GRHL2: variants seen among roughly 807,000 people sequenced by gnomAD.
GRHL2 encodes the protein grainyhead-like protein 2 homolog.
In GRHL2, 21 loss-of-function variants were observed where a neutral mutation model predicts 83.8. The observed-to-expected ratio is 0.25, with a 90% CI of 0.18 to 0.36. GRHL2 has a LOEUF of 0.36. GRHL2 is among the 10% of genes least tolerant of loss of function. GRHL2 has a pLI of 1.00. For synonymous variants in GRHL2, 280 were observed against 278.9 expected, an observed-to-expected ratio of 1.00 and a Z score of -0.04; for missense variants, 623 against 781.8, an observed-to-expected ratio of 0.80 and a Z score of 2.42.
At chr8:101,675,009 C>A in the GRHL2 span, among the ~76,000 whole-genome samples, 1 of 150,108 alleles carries the variant, frequency 6.7e-6, no homozygotes, top group African/African-American at 2.4e-5. Flanking sequence ...AATTCAACAA[C>A]CCTTCATGCT....
chr8:101,575,515 C>G (rs1011481214), intron 6 of GRHL2, among the ~76,000 whole-genome samples: 1 of 152,140 alleles, frequency 6.6e-6, no homozygotes, highest in African/African-American at 2.4e-5. Flanking sequence ...CTTTCTTACT[C>G]CCCGGCTCTG....
chr8:101,599,180 C>T, intron 8 of GRHL2, 29 bp downstream of exon 8: 10 of 1,373,886 alleles, frequency 7.3e-6, no homozygotes, highest in Non-Finnish European at 1.0e-5. Context: ...TTGTTTATAC[C>T]TCTTAATATG....
rs1812930358 is a variant in GRHL2, at chr8:101,619,888, T to TC, written c.1257+191_1257+192insC. 2.0e-5 allele frequency among the ~76,000 whole-genome samples: 3 copies of TC among 151,796 alleles called. No individual in the cohort carries two copies. The South Asian group carries it at 6.3e-4, about 32-fold the overall frequency. ...TAGGAAGTCTTCAGTCAACTATTTTTTTTTTTTTTTTTTAGTTTATCATTT... is the reference window on the plus strand; with the variant it reads ...TAGGAAGTCTTCAGTCAACTATTTTTCTTTTTTTTTTTTTAGTTTATCATTT... On this transcript the variant is annotated intron_variant, in intron 9 of 15. Coordinates refer to ENST00000646743, the MANE Select transcript of GRHL2 (RefSeq NM_024915.4).
chr8:101,637,755 G>A (rs182563914), intron 12 of GRHL2, among the ~76,000 whole-genome samples: 11 of 152,236 alleles, frequency 7.2e-5, no homozygotes, highest in African/African-American at 1.7e-4. Flanking sequence ...ATTCCAGCTC[G>A]TAGGGAGTTC....
intron 7 of GRHL2, 45 bp downstream of exon 7, chr8:101,577,564 ATGT>A (rs765354493): frequency 3.8e-6 from 5 of 1,300,694 alleles, no homozygotes; most frequent in South Asian, 2.4e-5. Flanking sequence ...ATAAACTGAC[ATGT>A]TGTCTCAATG....
rs57173859 is a variant in GRHL2 at position 101,546,412 on chromosome 8, A to AT, written c.216+2992dup. Among the ~76,000 whole-genome samples the AT allele has an allele frequency of 3.2e-3, 450 of 141,604 alleles. 3 individuals are homozygous for AT. The highest frequency in any genetic ancestry group is 7.7e-3 in the African/African-American group (302 of 39,152). The allele number at this position is 141,604 out of a possible 152,430, so 92.9% of individuals were successfully genotyped here. On this transcript the variant is annotated intron_variant, in intron 2 of 15. Coordinates refer to ENST00000646743, the MANE Select transcript of GRHL2 (RefSeq NM_024915.4). ...TATCCTGAAACAAACATAATTAGTAATTTTTTTTTTTTTTTTAGACAGAGT... is the reference window on the plus strand; with the variant it reads ...TATCCTGAAACAAACATAATTAGTAATTTTTTTTTTTTTTTTTAGACAGAGT...
intron 1 of GRHL2, among the ~76,000 whole-genome samples, chr8:101,498,342 A>G (rs1366788729): frequency 6.6e-6 from 1 of 151,666 alleles, no homozygotes; most frequent in Non-Finnish European, 1.5e-5. Flanking sequence ...CTGGTCTCAA[A>G]CTCCTGACCT....
chr8:101,564,999 A>G lies in GRHL2; in HGVS notation c.679-5340A>G, dbSNP rs969713268. Among the ~76,000 whole-genome samples the G allele has an allele frequency of 6.6e-5, 10 of 152,262 alleles. No individual in the cohort carries two copies. In the East Asian group the frequency reaches 1.9e-3, roughly 29 times the overall value. On this transcript the variant is annotated intron_variant, in intron 4 of 15. Transcript: ENST00000646743. ...GGTTTCTGCCTTCTAGAAGCTTACA[A>G]TCTGTCTGTATGTGTGAAGGGAAAT...
chr8:101,562,253 G>A (rs545989059), intron 4 of GRHL2: 49 of 598,868 alleles, frequency 8.2e-5, no homozygotes, highest in African/African-American at 6.4e-4. Context: ...ACTGGTATTC[G>A]ATAGGTTCAT....
chr8:101,512,354 C>T (rs774332905), intron 1 of GRHL2, among the ~76,000 whole-genome samples: 11 of 152,190 alleles, frequency 7.2e-5, no homozygotes, highest in Non-Finnish European at 1.2e-4. Flanking sequence ...TCCTCAGTAT[C>T]ATTAAACATT....
intron 4 of GRHL2, among the ~76,000 whole-genome samples, chr8:101,561,194 A>G (rs1270445560): frequency 1.3e-5 from 2 of 151,890 alleles, no homozygotes; most frequent in South Asian, 2.1e-4. Flanking sequence ...TTATGTGCAA[A>G]TAATGAACAG....
downstream of GRHL2, among the ~76,000 whole-genome samples, chr8:101,671,912 G>A (rs537077418): frequency 1.9e-4 from 29 of 152,282 alleles, no homozygotes; most frequent in South Asian, 4.1e-4. Context: ...CCGCTGTTCT[G>A]CAGCCACCGC....
chr8:101,676,727 T>G, the GRHL2 span, among the ~76,000 whole-genome samples: 1 of 152,136 alleles, frequency 6.6e-6, no homozygotes, highest in Non-Finnish European at 1.5e-5. Flanking sequence ...ACCCAAAGGA[T>G]TATAAATCAT....
chr8:101,612,272 G>A (rs1045425437), intron 8 of GRHL2, among the ~76,000 whole-genome samples: 2 of 151,040 alleles, frequency 1.3e-5, no homozygotes, highest in African/African-American at 2.5e-5. Context: ...TTATAGGCGT[G>A]AGCCACCATG....
chr8:101,650,328 G>A lies in GRHL2; in HGVS notation c.1698+829G>A, dbSNP rs1282254237. 3.9e-5 allele frequency among the ~76,000 whole-genome samples: 6 copies of A among 152,146 alleles called. No individual in the cohort carries two copies. In the East Asian group the frequency reaches 1.2e-3, roughly 29 times the overall value. The stretch of plus-strand genomic sequence containing the variant: ...GGATACTCTTTTTTGAGCTTCCTTT[G>A]TGTTGTAGTAATCGGGACTTCACTC... On this transcript the variant is annotated intron_variant, in intron 14 of 15. Transcript: ENST00000646743.
At chr8:101,577,082 A>G (rs896018815) in intron 6 of GRHL2, among the ~76,000 whole-genome samples, 4 of 152,128 alleles carry the variant, frequency 2.6e-5, no homozygotes, top group African/African-American at 7.2e-5. Flanking sequence ...AGAAAAAAAA[A>G]TTTGGGGGGG....
chr8:101,656,713 T>C (rs936556802), intron 14 of GRHL2, among the ~76,000 whole-genome samples: 5 of 152,180 alleles, frequency 3.3e-5, no homozygotes, highest in Admixed American at 2.0e-4. Flanking sequence ...TGAGATAATA[T>C]TATGAGGATA....
In GRHL2 at chr8:101,636,907, A is replaced by G; in HGVS notation, c.1496A>G (p.Asn499Ser). The G allele has an allele frequency of 6.2e-7, 1 of 1,613,852 alleles. No individual in the cohort carries two copies. Among genetic ancestry groups the G allele is most frequent in the Non-Finnish European group, 8.5e-7 (1 of 1,179,760 alleles). The change falls in exon 12 of 16, where the codon AAC becomes AGC. Residue 499 changes from asparagine to serine, a missense_variant. Asn to Ser is a conservative substitution (Grantham distance 46). Coordinates refer to ENST00000646743, the MANE Select transcript of GRHL2 (RefSeq NM_024915.4). Reference sequence around the variant, plus strand: ...TGTTTTGTTCCACAGGTGTATTACAACACGGATGATGAACGAGAAGGGTAA... The same window carrying G: ...TGTTTTGTTCCACAGGTGTATTACAGCACGGATGATGAACGAGAAGGGTAA... ...NLQRTGQVYY[N>S]TDDEREGGSV...
rs151059728 is a variant in GRHL2 at position 101,594,928 on chromosome 8, A to G, written c.1004-4129A>G. On this transcript the variant is annotated intron_variant, in intron 7 of 15. Transcript: ENST00000646743. ...AAACGAATAAATAAAATACTTGTACATGCCATGAAGGACATATACAAGGTA... is the reference window on the plus strand; with the variant it reads ...AAACGAATAAATAAAATACTTGTACGTGCCATGAAGGACATATACAAGGTA... Among the ~76,000 whole-genome samples the G allele has an allele frequency of 6.3e-3, 953 of 152,348 alleles. 10 individuals carry two copies. Among genetic ancestry groups the G allele is most frequent in the African/African-American group, 0.022 (925 of 41,576 alleles).
Sources: allele counts gnomAD v4.1 joint callset (sites outside exome capture counted in the v4.1 genomes callset), GRCh38; gene constraint gnomAD v4.1.1; transcripts MANE v1.5; gene names NCBI Gene and HGNC (gene_info 2026-07-23, HGNC 2026-07-21).